Variants in ZZZ3 observed in about 807,000 individuals in gnomAD.
ZZZ3 encodes zinc finger ZZ-type containing 3.
A neutral mutation model predicts 95.2 loss-of-function variants in ZZZ3; 22 were observed. The observed-to-expected ratio is 0.23, with a 90% CI of 0.17 to 0.33. The LOEUF (loss-of-function observed/expected upper bound fraction) is 0.33. Among genes scored for constraint, ZZZ3 ranks in the 10% least tolerant of loss-of-function variants. The pLI is 1.00. For synonymous variants in ZZZ3, 335 were observed against 358.9 expected (o/e 0.93, Z 0.75); for missense variants, 885 against 1,066.5 (o/e 0.83, Z 2.37).
intron 1 of ZZZ3, among the ~76,000 whole-genome samples, chr1:77,649,198 C>A (rs1291312178): frequency 1.3e-5 from 2 of 151,964 alleles, no homozygotes; most frequent in African/African-American, 4.8e-5. Flanking sequence ...AGTAAGCCAG[C>A]TCATAACCAA....
chr1:77,668,632 A>G (rs1007858996), intron 1 of ZZZ3, among the ~76,000 whole-genome samples: 1 of 147,010 alleles, frequency 6.8e-6, no homozygotes, highest in African/African-American at 2.6e-5. Flanking sequence ...TGCGTGACAG[A>G]GCAAGACCCT....
Position 77,659,720 on chromosome 1 carries a change from C to T in ZZZ3, c.-402-18065G>A, listed in dbSNP as rs1481785578. Among the ~76,000 whole-genome samples, 3 of 150,206 alleles carry T rather than the reference C, an allele frequency of 2.0e-5. No individual in the cohort carries two copies. In the South Asian group the frequency reaches 6.4e-4, roughly 32 times the overall value. The stretch of plus-strand genomic sequence containing the variant: ...AAAAAAGAAAAAGAAAGAAAGAAAC[C>T]AGTTGAATCCTATGTTTTGATTACC... On this transcript the variant is annotated intron_variant, in intron 1 of 14. Coordinates refer to ENST00000370801, the MANE Select transcript of ZZZ3 (RefSeq NM_015534.6).
chr1:77,577,241 A>G (rs1662050755), intron 11 of ZZZ3, among the ~76,000 whole-genome samples: 1 of 152,164 alleles, frequency 6.6e-6, no homozygotes, highest in Admixed American at 6.5e-5. Context: ...AATACAGTAC[A>G]CCTAAGGGAA....
intron 5 of ZZZ3, among the ~76,000 whole-genome samples, chr1:77,623,973 T>C (rs1667109976): frequency 6.6e-6 from 1 of 152,158 alleles, no homozygotes; most frequent in Non-Finnish European, 1.5e-5. Flanking sequence ...TTCCCATTTA[T>C]TACTATACAT....
At chr1:77,634,325 T>C (rs1668108307) in intron 4 of ZZZ3, among the ~76,000 whole-genome samples, 1 of 152,216 alleles carries the variant, frequency 6.6e-6, no homozygotes. Context: ...AATTTACTTT[T>C]GCTAAAATGA....
chr1:77,570,787 C>T (rs532549659), intron 12 of ZZZ3, among the ~76,000 whole-genome samples: 3 of 150,388 alleles, frequency 2.0e-5, no homozygotes, highest in African/African-American at 4.9e-5. Flanking sequence ...TCAGCCTCCT[C>T]AGTAGCTGAG....
chr1:77,576,344 A>T, intron 11 of ZZZ3, 124 bp from the exon 12 acceptor site: 2 of 739,074 alleles, frequency 2.7e-6, no homozygotes, highest in South Asian at 3.1e-5. Context: ...CCTTTAGCAT[A>T]CTCTTATGTT....
At chr1:77,578,497 T>C (rs533550442) in intron 11 of ZZZ3, among the ~76,000 whole-genome samples, 5 of 152,332 alleles carry the variant, frequency 3.3e-5, no homozygotes, top group Admixed American at 6.5e-5. Context: ...CTAAAAACTT[T>C]ACCCTCACAA....
chr1:77,617,012 G>A (rs936004781), intron 5 of ZZZ3, among the ~76,000 whole-genome samples: 1 of 152,010 alleles, frequency 6.6e-6, no homozygotes, highest in African/African-American at 2.4e-5. Flanking sequence ...AAAAAACCCA[G>A]ACATTCTTAA....
Position 77,632,818 on chromosome 1 carries a change from C to T in ZZZ3, c.537G>A (p.Lys179=). 1 of 1,614,162 alleles carries T rather than the reference C, an allele frequency of 6.2e-7. No homozygotes were observed. Among genetic ancestry groups the T allele is most frequent in the South Asian group, 1.1e-5 (1 of 91,074 alleles). The part of the protein sequence containing the change: ...LDDCEKREIK[K]VNVSEEGPLN... ...GTGGCCCTTCCTCACTGACATTCAC[C>T]TTTTTAATTTCCCTTTTCTCACAAT... The change falls in exon 5 of 15, where the codon AAG becomes AAA. Residue 179 remains lysine, a synonymous_variant. Coordinates refer to ENST00000370801, the MANE Select transcript of ZZZ3 (RefSeq NM_015534.6).
At chr1:77,603,829 T>C (rs1390872519) in intron 5 of ZZZ3, among the ~76,000 whole-genome samples, 1 of 152,132 alleles carries the variant, frequency 6.6e-6, no homozygotes, top group Non-Finnish European at 1.5e-5. Context: ...CATAAAACTT[T>C]TAACAACAAA....
chr1:77,671,008 G>T (rs77179227), intron 1 of ZZZ3, among the ~76,000 whole-genome samples: 8 of 151,224 alleles, frequency 5.3e-5, no homozygotes, highest in South Asian at 4.2e-4. Context: ...CTGTTTTTTT[G>T]GGGGGGTGGT....
At chr1:77,636,259 A>T (rs1668286471) in intron 4 of ZZZ3, among the ~76,000 whole-genome samples, 1 of 152,248 alleles carries the variant, frequency 6.6e-6, no homozygotes, top group African/African-American at 2.4e-5. Flanking sequence ...TTATTCCAAT[A>T]ATAAGACTTC....
intron 12 of ZZZ3, among the ~76,000 whole-genome samples, chr1:77,574,728 C>T (rs1201558420): frequency 6.6e-6 from 1 of 152,170 alleles, no homozygotes; most frequent in Non-Finnish European, 1.5e-5. Context: ...TAGGCTACAA[C>T]AAACCAAAGA....
intron 1 of ZZZ3, among the ~76,000 whole-genome samples, chr1:77,655,824 G>A (rs1670225323): frequency 6.6e-6 from 1 of 152,208 alleles, no homozygotes; most frequent in Admixed American, 6.5e-5. Context: ...CTATGACTTA[G>A]AAGAAGAAAT....
chr1:77,583,292 T>C (rs1449197882), intron 6 of ZZZ3, among the ~76,000 whole-genome samples: 1 of 152,164 alleles, frequency 6.6e-6, no homozygotes, highest in East Asian at 1.9e-4. Context: ...AGTAAAAATT[T>C]CGTTTCAAAT....
chr1:77,592,254 T>C (rs537001859), intron 5 of ZZZ3, among the ~76,000 whole-genome samples: 202 of 152,254 alleles, frequency 1.3e-3, no homozygotes, highest in Non-Finnish European at 2.1e-3. Context: ...TCTAGAGAAA[T>C]ATGTTTTCAT....
chr1:77,646,842 T>TTC (rs1669320698), intron 1 of ZZZ3, among the ~76,000 whole-genome samples: 3 of 152,154 alleles, frequency 2.0e-5, no homozygotes, highest in Non-Finnish European at 4.4e-5. Flanking sequence ...CCAAGCAAGC[T>TTC]CAGTGGTTTT....
rs143478070 is a variant in ZZZ3, at chr1:77,576,179, G to T, written c.2220C>A (p.Leu740=). ...SRRQHPLNKH[L]FKPSTFMTSH... Reference sequence around the variant, plus strand: ...AAGTCATGAAAGTGGAAGGCTTAAAGAGATGCTTATTAAGAGGGTGCTGTC... The same window carrying T: ...AAGTCATGAAAGTGGAAGGCTTAAATAGATGCTTATTAAGAGGGTGCTGTC... Residue 740 remains leucine (L), a synonymous_variant, in exon 12 of 15, where the codon CTC becomes CTA. Coordinates refer to ENST00000370801, the MANE Select transcript of ZZZ3 (RefSeq NM_015534.6). 3.7e-6 allele frequency: 6 copies of T among 1,612,248 alleles called. No homozygotes were observed. The African/African-American group carries it at 8.0e-5, about 22-fold the overall frequency.
Sources: allele counts gnomAD v4.1 joint callset (sites outside exome capture counted in the v4.1 genomes callset), GRCh38; gene constraint gnomAD v4.1.1; transcripts MANE v1.5; gene names NCBI Gene and HGNC (gene_info 2026-07-23, HGNC 2026-07-21).